Variants in COL14A1 observed in about 807,000 individuals in gnomAD.
COL14A1 encodes the protein collagen type XIV alpha 1 chain.
A neutral mutation model predicts 230.3 loss-of-function variants in COL14A1; 136 were observed. The observed-to-expected ratio is 0.59, with a 90% confidence interval of 0.51 to 0.68. COL14A1 has a LOEUF of 0.68. Ranked by LOEUF, COL14A1 falls within the 30% of genes least tolerant of loss-of-function variation. COL14A1 has a pLI of 0.00. For synonymous variants in COL14A1, 792 were observed against 784.1 expected (o/e 1.01, Z -0.17); for missense variants, 1,976 against 2,215.8 (o/e 0.89, Z 2.17).
intron 2 of COL14A1, among the ~76,000 whole-genome samples, chr8:120,153,509 T>A (rs1307267040): frequency 6.6e-6 from 1 of 152,146 alleles, no homozygotes; most frequent in Non-Finnish European, 1.5e-5. Context: ...AATTTTTTTG[T>A]TTTTAGATTA....
intron 5 of COL14A1, among the ~76,000 whole-genome samples, chr8:120,177,320 C>G (rs1313508381): frequency 1.3e-5 from 2 of 152,082 alleles, no homozygotes; most frequent in Non-Finnish European, 2.9e-5. Context: ...CCTCAGAATT[C>G]TATGAACTTT....
At chr8:120,205,283 G>T (rs1253047095) in intron 9 of COL14A1, among the ~76,000 whole-genome samples, 3 of 152,040 alleles carry the variant, frequency 2.0e-5, no homozygotes, top group Admixed American at 1.3e-4. Flanking sequence ...TCCATGTCTG[G>T]GATATATGAG....
At position 120,155,752 on chromosome 8, in the gene COL14A1, T is replaced by C. The variant is rs528371665; in HGVS notation, c.89-2378T>C. Among the ~76,000 whole-genome samples the C allele has an allele frequency of 3.3e-5, 5 of 152,310 alleles. No individual in the cohort carries two copies. The East Asian group carries it at 7.7e-4, about 24-fold the overall frequency. The stretch of plus-strand genomic sequence containing the variant: ...GCATATATTTTTAATATTTAAAAAT[T>C]CTTACTTTTAATTTTCTTCCATAAG... On this transcript the variant is annotated intron_variant, in intron 2 of 47. Transcript: ENST00000297848.
chr8:120,271,249 G>A (rs1209860708), intron 26 of COL14A1, among the ~76,000 whole-genome samples: 3 of 151,478 alleles, frequency 2.0e-5, no homozygotes, highest in Admixed American at 6.6e-5. Flanking sequence ...AGGATAGTGA[G>A]GATCGAAAAA....
chr8:120,160,403 C>T (rs938763557), intron 3 of COL14A1, among the ~76,000 whole-genome samples: 1 of 151,926 alleles, frequency 6.6e-6, no homozygotes. Flanking sequence ...CTATTAAGTA[C>T]CCCCAAGCAA....
intron 5 of COL14A1, among the ~76,000 whole-genome samples, chr8:120,196,388 G>A (rs776715967): frequency 6.6e-6 from 1 of 152,176 alleles, no homozygotes; most frequent in Non-Finnish European, 1.5e-5. Flanking sequence ...TATCAGGATA[G>A]GAGAGCCGTC....
At chr8:120,232,297 C>G (rs533243407) in intron 19 of COL14A1, among the ~76,000 whole-genome samples, 2 of 151,902 alleles carry the variant, frequency 1.3e-5, no homozygotes, top group Admixed American at 1.3e-4. Context: ...TACTTAAGTT[C>G]TGGGATACAT....
chr8:120,254,873 T>C lies in COL14A1; in HGVS notation c.2753-367T>C, dbSNP rs565761432. Among the ~76,000 whole-genome samples, 5 of 150,130 alleles carry C rather than the reference T, an allele frequency of 3.3e-5. No individual in the cohort carries two copies. The South Asian group carries it at 1.1e-3, about 32-fold the overall frequency. ...TGCATGTGGTGGCACATGCCTGTGA[T>C]CCCAACTACTTGGAAGGCTGAGGTG... On this transcript the variant is annotated intron_variant, in intron 22 of 47. Transcript: ENST00000297848.
chr8:120,232,751 A>G (rs1338006503), intron 19 of COL14A1, among the ~76,000 whole-genome samples: 1 of 152,156 alleles, frequency 6.6e-6, no homozygotes, highest in Non-Finnish European at 1.5e-5. Flanking sequence ...GTTATAGTAG[A>G]ATGATTTATA....
chr8:120,129,258 A>C (rs1301756330), intron 1 of COL14A1, among the ~76,000 whole-genome samples: 2 of 152,226 alleles, frequency 1.3e-5, no homozygotes, highest in Non-Finnish European at 2.9e-5. Flanking sequence ...CTGACCCCAG[A>C]CTTGGAAGAT....
intron 47 of COL14A1, 32 bp from the exon 48 acceptor site, chr8:120,371,120 A>G: frequency 6.5e-7 from 1 of 1,539,566 alleles, no homozygotes; most frequent in South Asian, 1.2e-5. Context: ...TCCTGGGTGC[A>G]GCAAGTCCCC....
chr8:120,319,278 T>G (rs963378140), intron 40 of COL14A1, among the ~76,000 whole-genome samples: 1 of 152,152 alleles, frequency 6.6e-6, no homozygotes, highest in Non-Finnish European at 1.5e-5. Context: ...CACCTCAGCC[T>G]ACCAAGTAGC....
At chr8:120,182,946 C>T (rs1029597583) in intron 5 of COL14A1, among the ~76,000 whole-genome samples, 9 of 151,982 alleles carry the variant, frequency 5.9e-5, no homozygotes, top group Non-Finnish European at 1.2e-4. Flanking sequence ...AGGGTGGTCT[C>T]AAACTCCTGA....
intron 34 of COL14A1, among the ~76,000 whole-genome samples, chr8:120,291,527 T>C: frequency 7.0e-6 from 1 of 143,306 alleles, no homozygotes. Flanking sequence ...GCCACTGCAC[T>C]TTAGCCTGGG....
chr8:120,316,850 A>G (rs1255548471), intron 40 of COL14A1, among the ~76,000 whole-genome samples: 5 of 152,150 alleles, frequency 3.3e-5, no homozygotes, highest in Non-Finnish European at 4.4e-5. Flanking sequence ...ATCGTTTAGT[A>G]TGGCAGAAGA....
At chr8:120,291,559 CAAAAAAA>C (rs375963111) in intron 34 of COL14A1, among the ~76,000 whole-genome samples, 1 of 41,640 alleles carries the variant, frequency 2.4e-5, no homozygotes, top group Admixed American at 2.9e-4. Flanking sequence ...GACTCCATCT[CAAAAAAA>C]AAAAAAAAAA....
Position 120,228,712 on chromosome 8 carries a change from G to A in COL14A1, c.2140G>A (p.Asp714Asn), listed in dbSNP as rs1338991527. Residue 714 changes from aspartate to asparagine, a missense_variant and splice_region_variant, in exon 18 of 48, where the codon GAC becomes AAC. Asp to Asn is a conservative substitution (Grantham distance 23). Transcript: ENST00000297848. ...EVVTAVGTTL[D>N]SFWTEPATTI... Reference sequence around the variant, plus strand: ...TTAAAGTAATATATTGCTTTTAGTTGACAGTTTTTGGACAGAACCAGCTAC... The same window carrying A: ...TTAAAGTAATATATTGCTTTTAGTTAACAGTTTTTGGACAGAACCAGCTAC... The A allele has an allele frequency of 1.2e-6, 2 of 1,613,236 alleles. No individual in the cohort carries two copies. Among genetic ancestry groups the A allele is most frequent in the South Asian group, 2.2e-5 (2 of 90,972 alleles).
At chr8:120,291,575 A>C (rs936367565) in intron 34 of COL14A1, among the ~76,000 whole-genome samples, 1 of 150,990 alleles carries the variant, frequency 6.6e-6, no homozygotes, top group Non-Finnish European at 1.5e-5. Flanking sequence ...AAAAAAAAAA[A>C]AAAAAACCAA....
chr8:120,204,256 T>C (rs1330755269), intron 9 of COL14A1, among the ~76,000 whole-genome samples: 1 of 152,204 alleles, frequency 6.6e-6, no homozygotes, highest in Non-Finnish European at 1.5e-5. Context: ...ATACTTGTCA[T>C]TGACACAGGC....
Sources: allele counts gnomAD v4.1 joint callset (sites outside exome capture counted in the v4.1 genomes callset), GRCh38; gene constraint gnomAD v4.1.1; transcripts MANE v1.5; gene names NCBI Gene and HGNC (gene_info 2026-07-23, HGNC 2026-07-21).